Variants in CNOT1 observed in about 807,000 individuals in gnomAD.
CNOT1 encodes CCR4-associated factor 1.
CNOT1 carries 15 observed loss-of-function variants against 273.8 expected under a neutral mutation model. The ratio of observed to expected loss-of-function variants is 0.05; its 90% CI spans 0.04 to 0.08. CNOT1 has a LOEUF of 0.08. CNOT1 is among the 10% of genes least tolerant of loss of function. The pLI is 1.00. For missense variants in CNOT1, 1,644 were observed against 2,912.2 expected, an observed-to-expected ratio of 0.56 and a Z score of 10.02; for synonymous variants, 1,022 against 1,005.5, an observed-to-expected ratio of 1.02 and a Z score of -0.31.
At chr16:58,626,337 G>A (rs1597634112) in intron 1 of CNOT1, among the ~76,000 whole-genome samples, 2 of 148,022 alleles carry the variant, frequency 1.4e-5, no homozygotes, top group Admixed American at 1.4e-4. Context: ...AACCTGCGAG[G>A]CAGGGGTTGC....
At chr16:58,571,984 T>C (rs1277859222) in intron 16 of CNOT1, among the ~76,000 whole-genome samples, 1 of 150,232 alleles carries the variant, frequency 6.7e-6, no homozygotes, top group Non-Finnish European at 1.5e-5. Context: ...AATAAAAAAT[T>C]AAAAATAAAA....
intron 1 of CNOT1, among the ~76,000 whole-genome samples, chr16:58,628,447 T>C (rs529492647): frequency 6.6e-6 from 1 of 152,322 alleles, no homozygotes; most frequent in African/African-American, 2.4e-5. Context: ...AAAAAATTGT[T>C]CTTAATCTGT....
intron 2 of CNOT1, among the ~76,000 whole-genome samples, chr16:58,590,595 CAA>C (rs539552477): frequency 5.9e-5 from 8 of 135,784 alleles, no homozygotes; most frequent in Non-Finnish European, 4.8e-5. Context: ...ACTCTGTCTC[CAA>C]AAAAAAAAAA....
chr16:58,618,577 C>T (rs1290103558), intron 1 of CNOT1, among the ~76,000 whole-genome samples: 1 of 150,938 alleles, frequency 6.6e-6, no homozygotes, highest in Admixed American at 6.6e-5. Flanking sequence ...GGCGAGACTC[C>T]ATTTCAAAGA....
intron 42 of CNOT1, 144 bp downstream of exon 42, chr16:58,531,814 G>C (rs968380110): frequency 2.1e-6 from 2 of 972,700 alleles, no homozygotes; most frequent in Admixed American, 2.6e-5. Context: ...TAATTGACTT[G>C]AGTGAACACT....
At chr16:58,576,284 A>G (rs1397111961) in intron 14 of CNOT1, among the ~76,000 whole-genome samples, 179 bp downstream of exon 14, 2 of 151,580 alleles carry the variant, frequency 1.3e-5, no homozygotes, top group African/African-American at 2.4e-5. Flanking sequence ...TAATTTTTCT[A>G]TTTTTAGTAG....
chr16:58,580,695 A>T lies in CNOT1; in HGVS notation c.1281T>A (p.His427Gln). The T allele has an allele frequency of 6.2e-7, 1 of 1,613,614 alleles. No homozygotes were observed. The highest frequency in any genetic ancestry group is 8.5e-7 in the Non-Finnish European group (1 of 1,179,752). The part of the protein sequence containing the change: ...EIFCFADYPC[H>Q]TVATDILKAP... The stretch of plus-strand genomic sequence containing the variant: ...CTTTCAGAATATCAGTGGCAACAGT[A>T]TGACAGGGATAGTCAGCAAAACAGA... The change falls in exon 12 of 49, where the codon CAT becomes CAA. Residue 427 changes from histidine to glutamine, a missense_variant. Physicochemically the swap from His to Gln is conservative, Grantham distance 24. Around this residue, in one of 13 missense-constraint regions of CNOT1, gnomAD observed 706 missense variants for 1,021.2 expected, o/e 0.69. Coordinates refer to ENST00000317147, the MANE Select transcript of CNOT1 (RefSeq NM_016284.5).
chr16:58,573,084 T>A (rs1402613691), intron 16 of CNOT1, among the ~76,000 whole-genome samples: 4 of 151,898 alleles, frequency 2.6e-5, no homozygotes, highest in Non-Finnish European at 4.4e-5. Flanking sequence ...AGGTGGCAGA[T>A]CACCTGAGGT....
intron 23 of CNOT1, 65 bp from the exon 24 acceptor site, chr16:58,551,337 T>A: frequency 6.8e-7 from 1 of 1,461,740 alleles, no homozygotes; most frequent in Non-Finnish European, 9.2e-7. Context: ...AAAAATCCAA[T>A]AATGTATACA....
At chr16:58,523,896 A>AT (rs2039490611) in intron 46 of CNOT1, 1 of 166,906 alleles carries the variant, frequency 6.0e-6, no homozygotes, top group Non-Finnish European at 1.3e-5. Context: ...CCTCTGAGAA[A>AT]TTCAACTGTA....
rs540399626 is a variant in CNOT1 at position 58,583,695 on chromosome 16, C to A, written c.807-513G>T. Among the ~76,000 whole-genome samples, 6 of 152,104 alleles carry A rather than the reference C, an allele frequency of 3.9e-5. No individual in the cohort carries two copies. The South Asian group carries it at 8.3e-4, about 21-fold the overall frequency. On this transcript the variant is annotated intron_variant, in intron 8 of 48. Transcript: ENST00000317147. ...CTGGGATTACAAGCATGCACCACCA[C>A]GCATGGCTAATTTTTGTATTTTTAG...
chr16:58,555,107 C>T, intron 21 of CNOT1, 144 bp downstream of exon 21: 1 of 1,200,928 alleles, frequency 8.3e-7, no homozygotes, highest in Non-Finnish European at 1.1e-6. Context: ...ACTCAGGAGG[C>T]TGAAGTGGGA....
At position 58,530,349 on chromosome 16, in the gene CNOT1, T is replaced by TGAAA; in HGVS notation, c.6178-6_6178-3dup. On this transcript the variant is annotated splice_region_variant and splice_polypyrimidine_tract_variant and intron_variant, in intron 42 of 48. Coordinates refer to ENST00000317147, the MANE Select transcript of CNOT1 (RefSeq NM_016284.5). ...TAGCTGTGCATACATAGGCCACCCC[T>TGAAA]GAAAGAAAGAAATGTACATGAGTCA... The TGAAA allele has an allele frequency of 2.5e-6, 4 of 1,602,528 alleles. No homozygotes were observed. Among genetic ancestry groups the TGAAA allele is most frequent in the Non-Finnish European group, 3.4e-6 (4 of 1,173,482 alleles).
At chr16:58,627,691 A>C (rs1272744479) in intron 1 of CNOT1, among the ~76,000 whole-genome samples, 1 of 152,190 alleles carries the variant, frequency 6.6e-6, no homozygotes. Context: ...CGGGGTGTTA[A>C]GCTGGGAACC....
At chr16:58,537,739 A>T (rs1374441877) in intron 38 of CNOT1, 152 bp downstream of exon 38, 2 of 994,964 alleles carry the variant, frequency 2.0e-6, no homozygotes, top group African/African-American at 3.3e-5. Flanking sequence ...TTCATACTTC[A>T]AGTGACAATA....
intron 16 of CNOT1, among the ~76,000 whole-genome samples, chr16:58,571,087 T>C (rs1191128896): frequency 2.0e-5 from 3 of 150,200 alleles, no homozygotes; most frequent in East Asian, 2.0e-4. Context: ...AAGACACATA[T>C]AGCTTGAGAA....
At chr16:58,566,361 C>T (rs961774221) in intron 16 of CNOT1, among the ~76,000 whole-genome samples, 9 of 152,146 alleles carry the variant, frequency 5.9e-5, no homozygotes, top group African/African-American at 1.7e-4. Flanking sequence ...ACTTTGGATA[C>T]ATTATCTTAT....
intron 1 of CNOT1, among the ~76,000 whole-genome samples, chr16:58,604,227 A>T (rs1177450758): frequency 6.6e-6 from 1 of 152,188 alleles, no homozygotes; most frequent in African/African-American, 2.4e-5. Flanking sequence ...TCACCATGTC[A>T]TTATTTATAG....
At chr16:58,529,797 C>T (rs570931414) in intron 43 of CNOT1, among the ~76,000 whole-genome samples, 24 of 125,452 alleles carry the variant, frequency 1.9e-4, no homozygotes, top group Non-Finnish European at 2.7e-4. Context: ...GCTGAGATCG[C>T]GCCACTGCAC....
Sources: gnomAD v4.1 joint callset for allele counts (sites outside exome capture counted in the v4.1 genomes callset) on GRCh38, gnomAD v4.1.1 for gene constraint, gnomAD v4.1.1 regional missense constraint, MANE v1.5 for transcripts, NCBI Gene and HGNC (gene_info 2026-07-23, HGNC 2026-07-21) for gene names.